Variants in BMP2K observed in about 807,000 individuals in gnomAD.
BMP2K encodes the protein BMP2 inducible kinase, also known as BMP-2-inducible protein kinase.
BMP2K carries 74 observed loss-of-function variants against 116.0 expected under a neutral mutation model. The ratio of observed to expected loss-of-function variants is 0.64; its 90% CI spans 0.53 to 0.77. The LOEUF is 0.77. Among genes scored for constraint, BMP2K ranks in the 30% least tolerant of loss-of-function variants. BMP2K has a pLI of 0.00. For synonymous variants in BMP2K, 486 were observed against 502.5 expected, an observed-to-expected ratio of 0.97 and a Z score of 0.44; for missense variants, 1,365 against 1,403.6, an observed-to-expected ratio of 0.97 and a Z score of 0.44.
intron 1 of BMP2K, among the ~76,000 whole-genome samples, chr4:78,798,936 T>C (rs1300400393): frequency 6.6e-6 from 1 of 152,218 alleles, no homozygotes; most frequent in African/African-American, 2.4e-5. Flanking sequence ...TAAATGTCTT[T>C]CTAGACCGTG....
At chr4:78,900,827 G>T (rs1733960654) in intron 15 of BMP2K, among the ~76,000 whole-genome samples, 2 of 152,124 alleles carry the variant, frequency 1.3e-5, no homozygotes, top group Admixed American at 6.5e-5. Context: ...TCAAATAATT[G>T]TATCAATAAT....
At chr4:78,805,251 T>C (rs1340050029) in intron 1 of BMP2K, among the ~76,000 whole-genome samples, 1 of 152,218 alleles carries the variant, frequency 6.6e-6, no homozygotes, top group African/African-American at 2.4e-5. Context: ...AGGCTCTGAG[T>C]TCTTTTCCAT....
chr4:78,896,034 C>G (rs916888557), intron 15 of BMP2K, among the ~76,000 whole-genome samples: 1 of 152,210 alleles, frequency 6.6e-6, no homozygotes, highest in Non-Finnish European at 1.5e-5. Context: ...GCTGGGATTA[C>G]AGGCGTGAGC....
intron 1 of BMP2K, among the ~76,000 whole-genome samples, chr4:78,791,100 A>G (rs1727974821): frequency 6.6e-6 from 1 of 152,090 alleles, no homozygotes; most frequent in Non-Finnish European, 1.5e-5. Context: ...AACAGTTTAT[A>G]TCCTGTTCAG....
At chr4:78,895,456 A>ACTTC in intron 15 of BMP2K, among the ~76,000 whole-genome samples, 1 of 152,192 alleles carries the variant, frequency 6.6e-6, no homozygotes, top group African/African-American at 2.4e-5. Flanking sequence ...TTAAAGGTTG[A>ACTTC]AATCCCAGAG....
At chr4:78,906,787 A>G (rs1297822879) in intron 15 of BMP2K, among the ~76,000 whole-genome samples, 1 of 152,178 alleles carries the variant, frequency 6.6e-6, no homozygotes, top group Non-Finnish European at 1.5e-5. Flanking sequence ...TTCCCAGGAC[A>G]TGATGATGGT....
intron 6 of BMP2K, among the ~76,000 whole-genome samples, chr4:78,849,091 A>C (rs1731136339): frequency 6.6e-6 from 1 of 151,516 alleles, no homozygotes; most frequent in South Asian, 2.1e-4. Context: ...TTTAGAAAAT[A>C]ATTATTTTAA....
chr4:78,821,507 T>C (rs1729616308), intron 1 of BMP2K, among the ~76,000 whole-genome samples: 1 of 152,224 alleles, frequency 6.6e-6, no homozygotes, highest in Non-Finnish European at 1.5e-5. Flanking sequence ...TACTTAATTC[T>C]TTGTTTTTTT....
In BMP2K at chr4:78,776,534, CG is replaced by C. The variant is rs1011479549; in HGVS notation, c.-8del. On this transcript the variant is annotated 5_prime_UTR_variant, in exon 1 of 16. Transcript: ENST00000502613. ...ACGCTCCCTGCGCCCTCCAGCTCGC[CG>C]GCGGGACCATGAAGAAGTTCTCTCG... 1.8e-6 allele frequency: 2 copies of C among 1,135,442 alleles called. No individual in the cohort carries two copies. The highest frequency in any genetic ancestry group is 1.6e-5 in the African/African-American group (1 of 60,618). 70.3% of individuals were successfully genotyped at this position (1,135,442 alleles called of 1,614,324 possible). A position where few individuals can be genotyped will look rare whatever the true frequency, so the allele number is the denominator to read the frequency against.
intron 1 of BMP2K, among the ~76,000 whole-genome samples, chr4:78,788,137 C>T (rs771644096): frequency 2.2e-4 from 34 of 151,210 alleles, no homozygotes; most frequent in Admixed American, 5.3e-4. Context: ...TTTTCATTCT[C>T]TTGCCTGCAT....
At position 78,788,895 on chromosome 4, in the gene BMP2K, G is replaced by GTTTT. The variant is rs369759418; in HGVS notation, c.178+12191_178+12194dup. The stretch of plus-strand genomic sequence containing the variant: ...TTGTTTTCATCTTAGAATAGTGGCT[G>GTTTT]TTTTTTTTTTTTTTTTTTTTAAATA... On this transcript the variant is annotated intron_variant, in intron 1 of 15. Transcript: ENST00000502613. Among the ~76,000 whole-genome samples, 384 of 107,308 alleles carry GTTTT rather than the reference G, an allele frequency of 3.6e-3. 3 individuals are homozygous for GTTTT. Among genetic ancestry groups the GTTTT allele is most frequent in the African/African-American group, 0.011 (335 of 30,396 alleles). 70.4% of individuals were successfully genotyped at this position (107,308 alleles called of 152,430 possible). A position where few individuals can be genotyped will look rare whatever the true frequency, so the allele number is the denominator to read the frequency against.
chr4:78,783,967 A>G (rs1259239451), intron 1 of BMP2K, among the ~76,000 whole-genome samples: 1 of 152,242 alleles, frequency 6.6e-6, no homozygotes, highest in African/African-American at 2.4e-5. Flanking sequence ...GATATTTTAA[A>G]AATAATGAAA....
At chr4:78,888,002 A>G (rs1283692212) in intron 15 of BMP2K, 1 of 152,252 alleles carries the variant, frequency 6.6e-6, no homozygotes, top group African/African-American at 2.4e-5. Flanking sequence ...TCACTCAGGC[A>G]AGTTACATAT....
intron 9 of BMP2K, among the ~76,000 whole-genome samples, chr4:78,865,342 T>C (rs1731990341): frequency 6.6e-6 from 1 of 152,178 alleles, no homozygotes; most frequent in Non-Finnish European, 1.5e-5. Flanking sequence ...TTATGAATGG[T>C]TGTGTACTGT....
chr4:78,826,276 G>C (rs1050866614), intron 2 of BMP2K, 121 bp downstream of exon 2: 13 of 672,896 alleles, frequency 1.9e-5, no homozygotes, highest in Middle Eastern at 3.7e-4. Flanking sequence ...ATCTCAGCTC[G>C]CTGCAACCTC....
intron 1 of BMP2K, among the ~76,000 whole-genome samples, chr4:78,813,479 C>G (rs1729185181): frequency 6.6e-6 from 1 of 152,182 alleles, no homozygotes; most frequent in Non-Finnish European, 1.5e-5. Context: ...CGTAATAAGA[C>G]TTTGCATGAT....
At chr4:78,824,821 T>C (rs979848029) in intron 1 of BMP2K, among the ~76,000 whole-genome samples, 3 of 152,182 alleles carry the variant, frequency 2.0e-5, no homozygotes, top group African/African-American at 7.2e-5. Flanking sequence ...AAAAACTTCA[T>C]GTAGAAATCT....
intron 1 of BMP2K, among the ~76,000 whole-genome samples, chr4:78,823,103 C>T (rs1729700628): frequency 6.6e-6 from 1 of 152,074 alleles, no homozygotes; most frequent in South Asian, 2.1e-4. Context: ...GGTAGAATTT[C>T]TTTCTTGAAG....
intron 4 of BMP2K, among the ~76,000 whole-genome samples, chr4:78,843,976 T>A (rs1577919371): frequency 6.6e-6 from 1 of 151,906 alleles, no homozygotes; most frequent in South Asian, 2.1e-4. Context: ...TTTGTACAAA[T>A]TTTTAAAAAA....
Sources: gnomAD v4.1 joint callset for allele counts (sites outside exome capture counted in the v4.1 genomes callset) on GRCh38, gnomAD v4.1.1 for gene constraint, MANE v1.5 for transcripts, NCBI Gene and HGNC (gene_info 2026-07-23, HGNC 2026-07-21) for gene names.